Variants in NTRK1 observed in about 807,000 individuals in gnomAD.
The protein encoded by NTRK1 is neurotrophic receptor tyrosine kinase 1.
A neutral mutation model predicts 86.8 loss-of-function variants in NTRK1; 62 were observed. The ratio of observed to expected loss-of-function variants is 0.71; its 90% CI spans 0.58 to 0.88. The LOEUF (loss-of-function observed/expected upper bound fraction) is 0.88. NTRK1 is among the 40% of genes least tolerant of loss of function. The pLI, the probability that NTRK1 is intolerant of heterozygous loss-of-function variation, is 0.00. For synonymous variants in NTRK1, 469 were observed against 456.6 expected, an observed-to-expected ratio of 1.03 and a Z score of -0.35; for missense variants, 967 against 1,078.4, an observed-to-expected ratio of 0.90 and a Z score of 1.45.
At chr1:156,857,152 A>G (rs1655432586), upstream of NTRK1, among the ~76,000 whole-genome samples, 1 of 145,732 alleles carries the variant, frequency 6.9e-6, no homozygotes. Context: ...GGCTCTGCCC[A>G]GCAGCTGTGT....
In NTRK1 at chr1:156,861,037, C is replaced by T. The variant is rs1204319733; in HGVS notation, c.103C>T (p.Pro35Ser). 3.9e-6 allele frequency: 6 copies of T among 1,549,686 alleles called. No individual in the cohort carries two copies. The Admixed American group carries it at 1.1e-4, about 29-fold the overall frequency. The part of the protein sequence containing the change: ...WLILASAGAA[P>S]CPDACCPHGS... ...GATACTGGCATCTGCGGGCGCCGCA[C>T]CCTGCCCCGATGCCTGCTGCCCCCA... is the stretch of plus-strand genomic sequence containing the variant. Residue 35 changes from proline to serine, a missense_variant, in exon 1 of 17, where the codon CCC (proline) becomes TCC (serine). This residue lies in a region of NTRK1 where 330 missense variants were observed against 302.0 expected (regional missense o/e 1.09). Transcript: ENST00000524377.
chr1:156,843,293 C>A, intron 2 of NTRK1: 4 of 1,575,750 alleles, frequency 2.5e-6, no homozygotes, highest in African/African-American at 1.3e-5. Context: ...CCTCACCCCC[C>A]AACTTCTCTT....
intron 2 of NTRK1, among the ~76,000 whole-genome samples, chr1:156,846,945 C>T (rs1182897824): frequency 1.3e-5 from 2 of 152,148 alleles, no homozygotes; most frequent in Non-Finnish European, 2.9e-5. Flanking sequence ...ATATCTGTGT[C>T]AGTGAAATTT....
At position 156,847,578 on chromosome 1, in the gene NTRK1, T is replaced by A. The variant is rs1349054877; in HGVS notation, c.50+5385T>A. ...AGCCAGGGACAAAACTTGAGGGAGG[T>A]CAAATTGGGTGGCAGTGGGGGAACT... is the stretch of plus-strand genomic sequence containing the variant. On this transcript the variant is annotated intron_variant, in intron 2 of 16. Coordinates refer to the NTRK1 transcript ENST00000392302. Among the ~76,000 whole-genome samples the A allele has an allele frequency of 2.0e-5, 3 of 151,072 alleles. No homozygotes were observed. The East Asian group carries it at 5.8e-4, about 29-fold the overall frequency.
chr1:156,848,153 G>T (rs1303779078), intron 2 of NTRK1, among the ~76,000 whole-genome samples: 1 of 152,122 alleles, frequency 6.6e-6, no homozygotes, highest in African/African-American at 2.4e-5. Context: ...ACCTAGGAGG[G>T]TCTCGGCCAT....
chr1:156,854,179 G>T lies in NTRK1; in HGVS notation c.51-10175G>T. ...CCTGGGTGAGGCGAGGGAAGCTGAG[G>T]CCGCGGAAGTCCTCCCCGGTGGCTG... On this transcript the variant is annotated intron_variant, in intron 2 of 16. Coordinates refer to the NTRK1 transcript ENST00000392302. This position sits in a 1 kb window ranked among gnomAD's most constrained non-coding sequence, Gnocchi z 4.2. The T allele has an allele frequency of 6.2e-7, 1 of 1,614,130 alleles. No homozygotes were observed. Among genetic ancestry groups the T allele is most frequent in the Non-Finnish European group, 8.5e-7 (1 of 1,180,038 alleles).
rs529304007 is a variant in NTRK1 at position 156,854,416 on chromosome 1, C to G, written c.51-9938C>G. The G allele has an allele frequency of 1.3e-5, 15 of 1,147,410 alleles. No individual in the cohort carries two copies. In the East Asian group the frequency reaches 3.9e-4, roughly 30 times the overall value. The allele number at this position is 1,147,410 out of a possible 1,614,324, so 71.1% of individuals were successfully genotyped here. On this transcript the variant is annotated intron_variant, in intron 2 of 16. Transcript: ENST00000392302. The surrounding 1 kb of genome is among the most constrained non-coding windows in gnomAD (Gnocchi z 4.2). ...GGCAGTAGGACAATGAGTGAGGAGC[C>G]GGGCTCTGCTCTGGGTGTGGGGTGG...
intron 1 of NTRK1, among the ~76,000 whole-genome samples, chr1:156,823,257 T>G (rs1654235212): frequency 6.6e-6 from 1 of 152,218 alleles, no homozygotes; most frequent in Non-Finnish European, 1.5e-5. Context: ...AGTACAATAT[T>G]GTGCGCACAC....
chr1:156,864,514 G>T, intron 2 of NTRK1, 86 bp downstream of exon 2: 1 of 1,416,748 alleles, frequency 7.1e-7, no homozygotes, highest in South Asian at 1.2e-5. Context: ...GCATCCGAGG[G>T]CCTGGGAGGA....
intron 1 of NTRK1, among the ~76,000 whole-genome samples, chr1:156,827,951 C>A (rs952149004): frequency 2.0e-5 from 3 of 151,976 alleles, no homozygotes; most frequent in Non-Finnish European, 4.4e-5. Flanking sequence ...ACTTATTTCA[C>A]AAAATGTTAT....
intron 1 of NTRK1, among the ~76,000 whole-genome samples, chr1:156,821,421 G>A (rs1204363573): frequency 6.6e-6 from 1 of 151,584 alleles, no homozygotes. Flanking sequence ...CTGGTGCTAC[G>A]GGAACCCCCC....
chr1:156,835,614 T>C (rs1046716360), intron 1 of NTRK1, among the ~76,000 whole-genome samples: 2 of 152,210 alleles, frequency 1.3e-5, no homozygotes, highest in African/African-American at 4.8e-5. Context: ...ATGTAAAAAA[T>C]GGCATCATTT....
chr1:156,844,047 G>T (rs1361300915), intron 2 of NTRK1: 5 of 676,764 alleles, frequency 7.4e-6, no homozygotes, highest in South Asian at 5.4e-5. Flanking sequence ...CTGTGCCACC[G>T]CAGGGGAAGA....
intron 1 of NTRK1, among the ~76,000 whole-genome samples, chr1:156,818,242 C>T (rs1039610445): frequency 6.6e-6 from 1 of 151,988 alleles, no homozygotes; most frequent in Non-Finnish European, 1.5e-5. Flanking sequence ...AAAAAAAAAA[C>T]TTTGTTTCAA....
intron 1 of NTRK1, among the ~76,000 whole-genome samples, chr1:156,825,637 G>C (rs1222957341): frequency 6.6e-6 from 1 of 152,128 alleles, no homozygotes; most frequent in Non-Finnish European, 1.5e-5. Context: ...TAACTGCCAA[G>C]GCCTAGCCTT....
rs1000224901 is a variant in NTRK1, at chr1:156,874,513, G to A, written c.1196-58G>A. 12 of 1,610,740 alleles carry A rather than the reference G, an allele frequency of 7.4e-6. No individual in the cohort carries two copies. In the African/African-American group the frequency reaches 1.5e-4, roughly 20 times the overall value. ...GACCAGCTGGGGCCAGGGTTGGGGG[G>A]TTACTGGAGGCTACAGTGTGTGTCA... On this transcript the variant is annotated intron_variant, in intron 9 of 16. Coordinates refer to ENST00000524377, the MANE Select transcript of NTRK1 (RefSeq NM_002529.4).
In NTRK1 at chr1:156,851,836, C is replaced by T. The variant is rs750873898; in HGVS notation, c.50+9643C>T. 3 of 1,579,008 alleles carry T rather than the reference C, an allele frequency of 1.9e-6. No homozygotes were observed. In the South Asian group the frequency reaches 3.5e-5, roughly 19 times the overall value. On this transcript the variant is annotated intron_variant, in intron 2 of 16. Coordinates refer to the NTRK1 transcript ENST00000392302. ...CTGAGCCTTGGACCAGTTTGGGCCT[C>T]CTCAGGCCTCCTCACTGCTCCCAGG...
Position 156,860,901 on chromosome 1 carries a change from GC to G in NTRK1, c.-33del, listed in dbSNP as rs745349847. The G allele has an allele frequency of 2.1e-5, 30 of 1,420,942 alleles. 1 individual carries two copies. In the South Asian group the frequency reaches 4.6e-4, roughly 22 times the overall value. The allele number at this position is 1,420,942 out of a possible 1,614,324, so 88.0% of individuals were successfully genotyped here. On this transcript the variant is annotated 5_prime_UTR_variant, in exon 1 of 17. Transcript: ENST00000524377. ...AGCTGCAGCTGGGAGCGCACAGACG[GC>G]TGCCCCGCCTGAGCGAGGCGGGCGC...
At chr1:156,864,207 G>T in intron 1 of NTRK1, 147 bp from the exon 2 acceptor site, 1 of 737,260 alleles carries the variant, frequency 1.4e-6, no homozygotes. Context: ...GTGTGTGCAC[G>T]CCTGTGTAAG....
Sources: gnomAD v4.1 joint callset for allele counts (sites outside exome capture counted in the v4.1 genomes callset) on GRCh38, gnomAD v4.1.1 for gene constraint, gnomAD v4.1.1 regional missense constraint, Gnocchi (gnomAD v3.1) non-coding constraint, MANE v1.5 for transcripts, NCBI Gene and HGNC (gene_info 2026-07-23, HGNC 2026-07-21) for gene names.